LOC128125818: variants seen among roughly 807,000 people sequenced by gnomAD.
the LOC128125818 span, among the ~76,000 whole-genome samples, chr4:6,067,743 T>C: frequency 1.7e-4 from 24 of 144,206 alleles, no homozygotes; most frequent in African/African-American, 5.2e-4. This position sits in a 1 kb window ranked among gnomAD's most constrained non-coding sequence, Gnocchi z 4.6. Flanking sequence ...CAAGCTCTTC[T>C]GCACACGCAG....
chr4:6,065,362 T>C, the LOC128125818 span, among the ~76,000 whole-genome samples: 1 of 152,200 alleles, frequency 6.6e-6, no homozygotes, highest in African/African-American at 2.4e-5. This position sits in a 1 kb window ranked among gnomAD's most constrained non-coding sequence, Gnocchi z 5.1. Flanking sequence ...GGGCCATGCA[T>C]GCCCTGTGCC....
chr4:6,066,202 C>T, the LOC128125818 span, among the ~76,000 whole-genome samples: 5 of 151,958 alleles, frequency 3.3e-5, no homozygotes, highest in Admixed American at 2.0e-4. Flanking sequence ...AGGGCCCCTC[C>T]CAGCCTGAGT....
At chr4:6,068,995 T>C in the LOC128125818 span, among the ~76,000 whole-genome samples, 1 of 152,184 alleles carries the variant, frequency 6.6e-6, no homozygotes, top group Admixed American at 6.5e-5. Context: ...TAAGCCTACA[T>C]GTACTCGATT....
the LOC128125818 span, among the ~76,000 whole-genome samples, chr4:6,068,242 C>T: frequency 2.0e-5 from 3 of 152,168 alleles, no homozygotes; most frequent in Non-Finnish European, 2.9e-5. Flanking sequence ...CATTAACTAC[C>T]GATGTTGCCG....
At chr4:6,066,435 T>A in the LOC128125818 span, among the ~76,000 whole-genome samples, 1 of 152,056 alleles carries the variant, frequency 6.6e-6, no homozygotes, top group Admixed American at 6.5e-5. Context: ...GCATCACCCC[T>A]CCCACATTCC....
chr4:6,068,636 C>T, the LOC128125818 span, among the ~76,000 whole-genome samples: 2 of 148,476 alleles, frequency 1.3e-5, no homozygotes, highest in Non-Finnish European at 3.0e-5. Flanking sequence ...CAACTTACTA[C>T]AACTTCCGTC....
the LOC128125818 span, among the ~76,000 whole-genome samples, chr4:6,067,134 G>A: frequency 2.0e-5 from 3 of 152,178 alleles, no homozygotes; most frequent in East Asian, 5.8e-4. This position sits in a 1 kb window ranked among gnomAD's most constrained non-coding sequence, Gnocchi z 4.6. Context: ...CGTAAGATCT[G>A]GCAAGCTATT....
At chr4:6,068,862 GC>G in the LOC128125818 span, among the ~76,000 whole-genome samples, 3 of 152,128 alleles carry the variant, frequency 2.0e-5, no homozygotes, top group Non-Finnish European at 4.4e-5. Context: ...GAGCCATCAT[GC>G]CCAGCCTTAA....
At chr4:6,065,675 C>A in the LOC128125818 span, among the ~76,000 whole-genome samples, 5 of 152,316 alleles carry the variant, frequency 3.3e-5, no homozygotes, top group African/African-American at 9.6e-5. The surrounding 1 kb of genome is among the most constrained non-coding windows in gnomAD (Gnocchi z 5.1). Flanking sequence ...ATGTAATAGA[C>A]CTTCACACGA....
the LOC128125818 span, among the ~76,000 whole-genome samples, chr4:6,069,675 C>G: frequency 1.3e-5 from 2 of 151,650 alleles, no homozygotes; most frequent in East Asian, 1.9e-4. This position sits in a 1 kb window ranked among gnomAD's most constrained non-coding sequence, Gnocchi z 4.5. Context: ...ATTACTTGAG[C>G]CTGGGAGGTT....
chr4:6,068,486 C>T, the LOC128125818 span, among the ~76,000 whole-genome samples: 1 of 152,072 alleles, frequency 6.6e-6, no homozygotes, highest in Non-Finnish European at 1.5e-5. Flanking sequence ...ACAGAGTTCC[C>T]ATAGCAGCAA....
chr4:6,065,057 A>G, the LOC128125818 span: 1 of 1,611,022 alleles, frequency 6.2e-7, no homozygotes, highest in Non-Finnish European at 8.5e-7. The surrounding 1 kb of genome is among the most constrained non-coding windows in gnomAD (Gnocchi z 5.1). Flanking sequence ...GGATTGCCAG[A>G]GTCTACCAGT....
At chr4:6,067,936 C>G in the LOC128125818 span, among the ~76,000 whole-genome samples, 55 of 152,298 alleles carry the variant, frequency 3.6e-4, no homozygotes, top group Admixed American at 2.9e-3. The surrounding 1 kb of genome is among the most constrained non-coding windows in gnomAD (Gnocchi z 4.6). Context: ...AACTGCAAGG[C>G]CTTTGGGGAC....
At chr4:6,066,360 G>A in the LOC128125818 span, among the ~76,000 whole-genome samples, 1 of 152,150 alleles carries the variant, frequency 6.6e-6, no homozygotes, top group East Asian at 1.9e-4. Context: ...TGCTGCAAGG[G>A]AGGCACCCAC....
the LOC128125818 span, among the ~76,000 whole-genome samples, chr4:6,066,890 C>T: frequency 2.0e-5 from 3 of 152,010 alleles, no homozygotes; most frequent in African/African-American, 4.8e-5. Context: ...CTCTCCTCCT[C>T]CGCTCCAGGC....
the LOC128125818 span, among the ~76,000 whole-genome samples, chr4:6,069,207 T>G: frequency 6.6e-6 from 1 of 152,166 alleles, no homozygotes; most frequent in Non-Finnish European, 1.5e-5. The surrounding 1 kb of genome is among the most constrained non-coding windows in gnomAD (Gnocchi z 4.5). Context: ...CTGTCATGAC[T>G]GGCACACAGT....
chr4:6,066,080 T>C, the LOC128125818 span, among the ~76,000 whole-genome samples: 4 of 151,966 alleles, frequency 2.6e-5, no homozygotes, highest in Admixed American at 2.6e-4. Flanking sequence ...GAAGAATGAA[T>C]CAAAACTGAA....
chr4:6,069,706 T>C, the LOC128125818 span, among the ~76,000 whole-genome samples: 3 of 151,514 alleles, frequency 2.0e-5, no homozygotes, highest in Non-Finnish European at 4.4e-5. This position sits in a 1 kb window ranked among gnomAD's most constrained non-coding sequence, Gnocchi z 4.5. Flanking sequence ...TGAGCTGTGA[T>C]TGTGCCTCTG....
the LOC128125818 span, among the ~76,000 whole-genome samples, chr4:6,066,220 C>T: frequency 6.6e-6 from 1 of 151,934 alleles, no homozygotes; most frequent in East Asian, 1.9e-4. Flanking sequence ...AGTGTTTTAC[C>T]CAGATATCTG....
Sources: gnomAD v4.1 joint callset for allele counts (sites outside exome capture counted in the v4.1 genomes callset) on GRCh38, gnomAD v4.1.1 for gene constraint, Gnocchi (gnomAD v3.1) non-coding constraint, MANE v1.5 for transcripts.